The following TFEC variants were observed in gnomAD, a reference collection of about 807,000 sequenced individuals.
The protein encoded by TFEC is transcription factor EC.
In TFEC, 31 loss-of-function variants were observed where a neutral mutation model predicts 41.6. The observed-to-expected ratio is 0.74, with a 90% CI of 0.56 to 1.01. The LOEUF (loss-of-function observed/expected upper bound fraction) is 1.01, where lower values mean the gene tolerates loss of function less well. TFEC is among the 50% of genes least tolerant of loss of function. The pLI is 0.00. For missense variants in TFEC, 402 were observed against 404.1 expected (o/e 0.99, Z 0.04); for synonymous variants, 143 against 140.6 (o/e 1.02, Z -0.12).
At chr7:115,955,940 C>T (rs2130415886) in intron 4 of TFEC, among the ~76,000 whole-genome samples, 1 of 151,856 alleles carries the variant, frequency 6.6e-6, no homozygotes, top group South Asian at 2.1e-4. Flanking sequence ...AGCTCCAAAC[C>T]AAAAGTTTAT....
At chr7:115,991,170 A>G (rs1794093755) in intron 1 of TFEC, among the ~76,000 whole-genome samples, 1 of 152,224 alleles carries the variant, frequency 6.6e-6, no homozygotes, top group Middle Eastern at 3.2e-3. Context: ...ACAGACAAGC[A>G]AATGCTGAAG....
intron 3 of TFEC, among the ~76,000 whole-genome samples, chr7:116,040,488 T>A (rs1796009323): frequency 6.6e-6 from 1 of 152,200 alleles, no homozygotes; most frequent in Non-Finnish European, 1.5e-5. Context: ...ATGTTTATAG[T>A]GATACATAAA....
In TFEC at chr7:116,126,086, A is replaced by C. The variant is rs552550971; in HGVS notation, c.-68-14048T>G. 5.3e-5 allele frequency among the ~76,000 whole-genome samples: 8 copies of C among 152,310 alleles called. No homozygotes were observed. The South Asian group carries it at 1.7e-3, about 32-fold the overall frequency. ...TCCTCTTCAAATATGATAGGGATTT[A>C]CACATTGGAGAATTTAAGCCAAGCA... On this transcript the variant is annotated intron_variant, in intron 1 of 8. Coordinates refer to the TFEC transcript ENST00000484212.
chr7:115,950,852 T>G, intron 6 of TFEC, 22 bp downstream of exon 6: 1 of 1,568,352 alleles, frequency 6.4e-7, no homozygotes, highest in Non-Finnish European at 8.7e-7. Flanking sequence ...AACATTATTA[T>G]AGAAATGATT....
At chr7:116,071,620 T>C (rs1489930204) in intron 3 of TFEC, among the ~76,000 whole-genome samples, 1 of 151,380 alleles carries the variant, frequency 6.6e-6, no homozygotes, top group African/African-American at 2.4e-5. Context: ...TCATTTATAA[T>C]GATTGTTATG....
chr7:115,999,120 T>C (rs1794487594), intron 1 of TFEC, among the ~76,000 whole-genome samples: 1 of 151,924 alleles, frequency 6.6e-6, no homozygotes, highest in Admixed American at 6.6e-5. Flanking sequence ...ATTTTAAAAA[T>C]ATTGATATTA....
chr7:116,108,493 C>T (rs547009800), intron 3 of TFEC, among the ~76,000 whole-genome samples: 1 of 152,218 alleles, frequency 6.6e-6, no homozygotes, highest in East Asian at 1.9e-4. Context: ...CCTAGCAAGG[C>T]CTCTTTTTTC....
At chr7:116,146,083 C>T (rs929097881) in intron 1 of TFEC, among the ~76,000 whole-genome samples, 4 of 152,052 alleles carry the variant, frequency 2.6e-5, no homozygotes, top group African/African-American at 9.7e-5. Context: ...ACAGTATACC[C>T]AATAATGTTA....
upstream of TFEC, among the ~76,000 whole-genome samples, chr7:116,033,765 C>G (rs1050973589): frequency 6.6e-6 from 1 of 152,052 alleles, no homozygotes; most frequent in African/African-American, 2.4e-5. Context: ...TTTTAGAATA[C>G]AAGCAAGTGT....
chr7:116,115,417 G>T (rs563032418), intron 1 of TFEC, among the ~76,000 whole-genome samples: 19 of 151,876 alleles, frequency 1.3e-4, no homozygotes, highest in Non-Finnish European at 2.4e-4. Context: ...AGGCTTTATG[G>T]GATAATCCAC....
intron 1 of TFEC, among the ~76,000 whole-genome samples, chr7:116,027,405 AC>A (rs976700905): frequency 6.6e-6 from 1 of 151,694 alleles, no homozygotes; most frequent in Non-Finnish European, 1.5e-5. Flanking sequence ...ACATGGCGAG[AC>A]CCCCCATCTC....
chr7:116,073,395 C>A (rs1438363576), intron 3 of TFEC, among the ~76,000 whole-genome samples: 1 of 150,924 alleles, frequency 6.6e-6, no homozygotes, highest in Admixed American at 6.6e-5. Context: ...AGATTTCATG[C>A]AAAATTGTTT....
chr7:116,125,785 C>G (rs746517498), intron 1 of TFEC, among the ~76,000 whole-genome samples: 1 of 152,176 alleles, frequency 6.6e-6, no homozygotes, highest in Non-Finnish European at 1.5e-5. Context: ...GGGGATTGGA[C>G]AACTTCAGTA....
rs190860901 is a variant in TFEC at position 115,944,915 on chromosome 7, A to G, written c.516-2875T>C. On this transcript the variant is annotated intron_variant, in intron 6 of 7. Coordinates refer to ENST00000265440, the MANE Select transcript of TFEC (RefSeq NM_012252.4). ...GTAATACTCTCATATTTTCAATGCT[A>G]TTCTTCCTTTTTTGTTTAAAATGCT... is the stretch of plus-strand genomic sequence containing the variant. Among the ~76,000 whole-genome samples the G allele has an allele frequency of 4.1e-3, 622 of 151,186 alleles. 5 individuals are homozygous for G. Among genetic ancestry groups the G allele is most frequent in the Non-Finnish European group, 4.7e-3 (319 of 67,808 alleles).
chr7:116,140,555 TAAC>T (rs1267428890), intron 1 of TFEC, among the ~76,000 whole-genome samples: 2 of 151,922 alleles, frequency 1.3e-5, no homozygotes, highest in Admixed American at 6.5e-5. Context: ...TTAAAACTAA[TAAC>T]AAAACAGATA....
intron 1 of TFEC, among the ~76,000 whole-genome samples, chr7:116,005,565 G>T (rs1302377834): frequency 3.3e-5 from 5 of 152,178 alleles, no homozygotes; most frequent in Non-Finnish European, 5.9e-5. Flanking sequence ...GCATTCAAGA[G>T]GTGACTTGGG....
At chr7:115,977,821 C>A (rs1298165415) in intron 2 of TFEC, among the ~76,000 whole-genome samples, 6 of 151,384 alleles carry the variant, frequency 4.0e-5, no homozygotes, top group African/African-American at 1.5e-4. Flanking sequence ...AGGTGGGTGA[C>A]AACAAGGAGA....
At chr7:115,992,741 C>T (rs1299863307) in intron 1 of TFEC, among the ~76,000 whole-genome samples, 1 of 152,098 alleles carries the variant, frequency 6.6e-6, no homozygotes, top group Non-Finnish European at 1.5e-5. Context: ...AAGTCCAGGA[C>T]CAGATGGATT....
intron 5 of TFEC, among the ~76,000 whole-genome samples, chr7:115,953,086 T>C (rs1276167385): frequency 6.6e-6 from 1 of 151,888 alleles, no homozygotes. Context: ...CAGGGCTGTA[T>C]ATGGAGCTTG....
Sources: gnomAD v4.1 joint callset for allele counts (sites outside exome capture counted in the v4.1 genomes callset) on GRCh38, gnomAD v4.1.1 for gene constraint, MANE v1.5 for transcripts, NCBI Gene and HGNC (gene_info 2026-07-23, HGNC 2026-07-21) for gene names.